Variants in PRKCA observed in about 807,000 individuals in gnomAD.
The protein encoded by PRKCA is protein kinase C alpha.
PRKCA carries 27 observed loss-of-function variants against 87.0 expected under a neutral mutation model. That is an observed-to-expected ratio of 0.31 (90% CI 0.23 to 0.43). The LOEUF (loss-of-function observed/expected upper bound fraction) is 0.43, where lower values mean the gene tolerates loss of function less well. PRKCA is among the 20% of genes least tolerant of loss of function. PRKCA has a pLI of 1.00. For missense variants in PRKCA, 518 were observed against 852.3 expected (o/e 0.61, Z 4.88); for synonymous variants, 329 against 311.1 (o/e 1.06, Z -0.61).
rs1388075197 is a variant in PRKCA at position 66,803,150 on chromosome 17, A to G, written c.1855-723A>G. Among the ~76,000 whole-genome samples the G allele has an allele frequency of 6.6e-6, 1 of 152,132 alleles. No homozygotes were observed. The highest frequency in any genetic ancestry group is 2.4e-5 in the African/African-American group (1 of 41,420). ...ACCCTGGAGGAGAGGAACAGCCGAG[A>G]CAGCAGGCCTCTCCCTGCCTCCCCA... On this transcript the variant is annotated intron_variant, in intron 16 of 16. Coordinates refer to ENST00000413366, the MANE Select transcript of PRKCA (RefSeq NM_002737.3). The surrounding 1 kb of genome is among the most constrained non-coding windows in gnomAD (Gnocchi z 4.4).
intron 2 of PRKCA, among the ~76,000 whole-genome samples, chr17:66,396,647 G>A (rs1285093488): frequency 1.4e-4 from 3 of 21,152 alleles, no homozygotes; most frequent in African/African-American, 2.2e-4. Context: ...TTTTTTTTTC[G>A]TGACAGAGTC....
intron 2 of PRKCA, among the ~76,000 whole-genome samples, chr17:66,362,773 C>T (rs1250345986): frequency 6.6e-6 from 1 of 151,726 alleles, no homozygotes; most frequent in African/African-American, 2.4e-5. Flanking sequence ...TGGCTCACTG[C>T]GACCTCTGCC....
chr17:66,554,955 C>T (rs1023488352), intron 3 of PRKCA, among the ~76,000 whole-genome samples: 4 of 151,584 alleles, frequency 2.6e-5, no homozygotes, highest in African/African-American at 9.7e-5. Context: ...TCTCAGCTCA[C>T]TGCAACCTCT....
At chr17:66,707,535 G>A (rs190096081) in intron 8 of PRKCA, among the ~76,000 whole-genome samples, 7 of 152,176 alleles carry the variant, frequency 4.6e-5, no homozygotes, top group Non-Finnish European at 1.0e-4. Flanking sequence ...TAAAACTCAC[G>A]TGTGTGACAA....
chr17:66,343,991 TTGTC>T (rs1205924684), intron 2 of PRKCA, among the ~76,000 whole-genome samples: 1 of 151,954 alleles, frequency 6.6e-6, no homozygotes, highest in Non-Finnish European at 1.5e-5. Flanking sequence ...AAAAAAAAAA[TTGTC>T]AGCAGCATTT....
intron 5 of PRKCA, among the ~76,000 whole-genome samples, chr17:66,678,582 T>A (rs1349488444): frequency 2.0e-5 from 3 of 151,986 alleles, no homozygotes; most frequent in African/African-American, 7.3e-5. Flanking sequence ...CAGGCATTCA[T>A]CTGGCAGGCA....
chr17:66,771,890 C>T (rs1041777929), intron 13 of PRKCA, among the ~76,000 whole-genome samples: 3 of 152,302 alleles, frequency 2.0e-5, no homozygotes, highest in Admixed American at 1.3e-4. Flanking sequence ...CCACCACGCC[C>T]GCCGCTTCCT....
chr17:66,496,407 C>T (rs112028980), intron 3 of PRKCA, 124 bp downstream of exon 3: 16 of 773,596 alleles, frequency 2.1e-5, no homozygotes, highest in East Asian at 1.0e-4. Flanking sequence ...TCTCATAGAG[C>T]GTTGGCTTGT....
At chr17:66,645,877 C>T (rs79068411) in intron 5 of PRKCA, among the ~76,000 whole-genome samples, 11 of 152,260 alleles carry the variant, frequency 7.2e-5, no homozygotes, top group Admixed American at 2.6e-4. Context: ...CAAGGGGAGG[C>T]GAATGGATGG....
At chr17:66,424,568 A>AACACAC (rs141074503) in intron 2 of PRKCA, among the ~76,000 whole-genome samples, 1,459 of 142,028 alleles carry the variant, frequency 0.01, 12 homozygotes, top group East Asian at 0.024. Context: ...CCCTGTCTCA[A>AACACAC]ACACACACAC....
intron 3 of PRKCA, among the ~76,000 whole-genome samples, chr17:66,584,475 C>T (rs1969534980): frequency 6.6e-6 from 1 of 152,174 alleles, no homozygotes; most frequent in Non-Finnish European, 1.5e-5. Flanking sequence ...ATCTGCCTGC[C>T]TTGGCCTCCC....
chr17:66,443,480 A>T (rs1441337941), intron 2 of PRKCA, among the ~76,000 whole-genome samples: 1 of 152,082 alleles, frequency 6.6e-6, no homozygotes, highest in African/African-American at 2.4e-5. Context: ...TGCCCATGAG[A>T]GTTTATGGAA....
chr17:66,774,571 A>C, intron 14 of PRKCA: 1 of 942,370 alleles, frequency 1.1e-6, no homozygotes, highest in Non-Finnish European at 1.3e-6. Context: ...CAGTGAGCCA[A>C]GATCGTGCCA....
At chr17:66,361,872 T>C (rs896444431) in intron 2 of PRKCA, among the ~76,000 whole-genome samples, 1 of 152,160 alleles carries the variant, frequency 6.6e-6, no homozygotes, top group Non-Finnish European at 1.5e-5. Flanking sequence ...CTTGGCTCAG[T>C]TTCCACAAAG....
intron 2 of PRKCA, among the ~76,000 whole-genome samples, chr17:66,459,718 C>T (rs565034548): frequency 5.1e-4 from 77 of 152,276 alleles, no homozygotes; most frequent in African/African-American, 1.6e-3. Flanking sequence ...TTTATAGACC[C>T]GACTCCATCG....
intron 2 of PRKCA, among the ~76,000 whole-genome samples, chr17:66,325,689 G>T (rs1905938633): frequency 1.3e-5 from 2 of 152,084 alleles, no homozygotes; most frequent in South Asian, 4.1e-4. Flanking sequence ...GTGTAGAGAA[G>T]AGAGAAAAAG....
chr17:66,719,682 G>A (rs900560051), intron 8 of PRKCA, among the ~76,000 whole-genome samples: 2 of 152,224 alleles, frequency 1.3e-5, no homozygotes, highest in Non-Finnish European at 2.9e-5. Context: ...TGCGAGAATC[G>A]CTTGAACCCA....
At chr17:66,417,031 T>C (rs990316917) in intron 2 of PRKCA, among the ~76,000 whole-genome samples, 2 of 152,126 alleles carry the variant, frequency 1.3e-5, no homozygotes, top group African/African-American at 2.4e-5. Context: ...CCTGAGCAGC[T>C]GGGACTACAG....
intron 16 of PRKCA, among the ~76,000 whole-genome samples, chr17:66,793,652 T>A (rs1412545733): frequency 6.7e-6 from 1 of 150,164 alleles, no homozygotes; most frequent in Non-Finnish European, 1.5e-5. Context: ...AAGGAGAAAT[T>A]TTAAGTTTAA....
Sources: allele counts gnomAD v4.1 joint callset (sites outside exome capture counted in the v4.1 genomes callset), GRCh38; gene constraint gnomAD v4.1.1; non-coding constraint Gnocchi (gnomAD v3.1); transcripts MANE v1.5; gene names NCBI Gene and HGNC (gene_info 2026-07-23, HGNC 2026-07-21).